The following IFT74 variants were observed in gnomAD, a reference collection of about 807,000 sequenced individuals.
IFT74 encodes intraflagellar transport 74.
In IFT74, 92 loss-of-function variants were observed where a neutral mutation model predicts 96.7. That is an observed-to-expected ratio of 0.95 (90% CI 0.80 to 1.13). The LOEUF is 1.13. IFT74 is among the 50% of genes most tolerant of loss of function. The probability of loss-of-function intolerance (pLI) is 0.00; values close to 1 mark genes in which losing one functional copy is unlikely to be tolerated. For synonymous variants in IFT74, 223 were observed against 213.2 expected (o/e 1.05, Z -0.40); for missense variants, 811 against 698.2 (o/e 1.16, Z -1.82).
At chr9:27,014,066 T>G (rs1829233210) in intron 10 of IFT74, among the ~76,000 whole-genome samples, 1 of 152,012 alleles carries the variant, frequency 6.6e-6, no homozygotes, top group Admixed American at 6.6e-5. Flanking sequence ...ATACAAAAAA[T>G]TAGTCGGGCA....
chr9:27,011,844 C>A lies in IFT74; in HGVS notation c.727-62C>A, dbSNP rs946079904. 175 of 1,070,884 alleles carry A rather than the reference C, an allele frequency of 1.6e-4. 3 individuals are homozygous for A. The highest frequency in any genetic ancestry group is 1.4e-3 in the South Asian group (72 of 52,870). 66.3% of individuals were successfully genotyped at this position (1,070,884 alleles called of 1,614,324 possible). ...ATTTTTTTTCCCAGCTCCCTCCCCC[C>A]ACTACAACAAATTATTCTTAATGTA... On this transcript the variant is annotated intron_variant, in intron 9 of 19. Transcript: ENST00000380062.
At chr9:27,045,074 C>G (rs995515404) in intron 14 of IFT74, among the ~76,000 whole-genome samples, 1 of 152,184 alleles carries the variant, frequency 6.6e-6, no homozygotes, top group African/African-American at 2.4e-5. Context: ...GACCAGGGGT[C>G]CCCAATCCCC....
chr9:26,970,544 T>C (rs1826836670), intron 2 of IFT74, among the ~76,000 whole-genome samples: 1 of 152,232 alleles, frequency 6.6e-6, no homozygotes, highest in South Asian at 2.1e-4. Context: ...CTCTATACTT[T>C]GACCTGGTGA....
chr9:27,051,014 G>A (rs966397350), intron 16 of IFT74, among the ~76,000 whole-genome samples: 1 of 152,156 alleles, frequency 6.6e-6, no homozygotes, highest in Non-Finnish European at 1.5e-5. Context: ...GCTATTTATA[G>A]TTTTTAATTA....
upstream of IFT74, among the ~76,000 whole-genome samples, chr9:26,955,338 C>T (rs1350790777): frequency 6.6e-6 from 1 of 152,120 alleles, no homozygotes; most frequent in African/African-American, 2.4e-5. Context: ...GTAGTTACTG[C>T]GGCTGTCACC....
At chr9:26,953,695 G>A (rs1826000567), upstream of IFT74, among the ~76,000 whole-genome samples, 1 of 139,562 alleles carries the variant, frequency 7.2e-6, no homozygotes, top group African/African-American at 2.9e-5. Flanking sequence ...ATTTTTTGTA[G>A]GGGGGGGGTC....
rs533880176 is a variant in IFT74 at position 26,975,961 on chromosome 9, C to G, written c.121-2167C>G. 6.6e-5 allele frequency among the ~76,000 whole-genome samples: 10 copies of G among 152,370 alleles called. No individual in the cohort carries two copies. The East Asian group carries it at 1.5e-3, about 24-fold the overall frequency. On this transcript the variant is annotated intron_variant, in intron 2 of 19. Transcript: ENST00000380062. The stretch of plus-strand genomic sequence containing the variant: ...GCAGATAGGACCCACTCAATCCACA[C>G]AGCAGTAGTGTTAACATCATCTACA...
intron 15 of IFT74, 110 bp downstream of exon 15, chr9:27,047,481 G>A (rs1466132257): frequency 5.2e-6 from 3 of 578,162 alleles, no homozygotes; most frequent in African/African-American, 2.0e-5. Context: ...TCATTTAACT[G>A]CTTCCTTTCA....
intron 8 of IFT74, among the ~76,000 whole-genome samples, chr9:26,998,475 C>T (rs924550718): frequency 2.0e-5 from 3 of 152,004 alleles, no homozygotes; most frequent in Non-Finnish European, 4.4e-5. Context: ...ATTTGTCATA[C>T]GGGTATTTTC....
chr9:26,981,617 A>G (rs188721862), intron 4 of IFT74, among the ~76,000 whole-genome samples: 11 of 151,972 alleles, frequency 7.2e-5, no homozygotes, highest in Middle Eastern at 3.4e-3. Flanking sequence ...GTGGCATTTC[A>G]CCATGTCAGC....
intron 7 of IFT74, among the ~76,000 whole-genome samples, chr9:26,989,453 C>T (rs1055481625): frequency 6.6e-6 from 1 of 151,960 alleles, no homozygotes; most frequent in African/African-American, 2.4e-5. Context: ...TGATTATAAG[C>T]ATTTGGATGA....
intron 8 of IFT74, among the ~76,000 whole-genome samples, chr9:27,000,731 T>C (rs936351367): frequency 3.3e-5 from 5 of 152,200 alleles, no homozygotes; most frequent in Non-Finnish European, 5.9e-5. Context: ...ATGCTGGGCT[T>C]AATACCTAGG....
intron 13 of IFT74, 32 bp from the exon 14 acceptor site, chr9:27,044,710 G>A: frequency 7.2e-7 from 1 of 1,380,318 alleles, no homozygotes; most frequent in Non-Finnish European, 1.0e-6. Flanking sequence ...TGCAATTTTT[G>A]AAATTCATGT....
chr9:26,997,729 T>TA, intron 8 of IFT74: 1 of 1,589,522 alleles, frequency 6.3e-7, no homozygotes, highest in South Asian at 1.2e-5. Context: ...ATAGCTTACC[T>TA]AATGTCACAT....
intron 8 of IFT74, chr9:26,999,770 CTTTTTTT>C (rs1179000269): frequency 6.1e-4 from 209 of 339,984 alleles, no homozygotes; most frequent in South Asian, 1.5e-3. Context: ...TCTGTTTATT[CTTTTTTT>C]TTTTTTTTTT....
At chr9:26,987,868 G>C (rs896196539) in intron 6 of IFT74, among the ~76,000 whole-genome samples, 9 of 151,982 alleles carry the variant, frequency 5.9e-5, no homozygotes, top group Non-Finnish European at 1.3e-4. Flanking sequence ...ATCTGTGCAA[G>C]CCCTGTTGAT....
At chr9:26,999,677 G>A (rs868209617) in intron 8 of IFT74, 1 of 1,608,458 alleles carries the variant, frequency 6.2e-7, no homozygotes, top group South Asian at 1.1e-5. Flanking sequence ...AGAGGATTGT[G>A]ATGCCTGTGA....
chr9:27,036,382 T>C (rs1587395030), intron 13 of IFT74: 9 of 1,569,616 alleles, frequency 5.7e-6, no homozygotes, highest in South Asian at 1.2e-5. Context: ...AGCTTATATG[T>C]ACTCTTTTTA....
At chr9:26,952,663 C>T (rs1198647047), upstream of IFT74, among the ~76,000 whole-genome samples, 1 of 152,222 alleles carries the variant, frequency 6.6e-6, no homozygotes, top group East Asian at 1.9e-4. Flanking sequence ...CAAACCCTAA[C>T]CACCCAGTTT....
Sources: allele counts gnomAD v4.1 joint callset (sites outside exome capture counted in the v4.1 genomes callset), GRCh38; gene constraint gnomAD v4.1.1; transcripts MANE v1.5; gene names NCBI Gene and HGNC (gene_info 2026-07-23, HGNC 2026-07-21).